Variants in RALGPS1 observed in about 807,000 individuals in gnomAD.
RALGPS1 encodes ras-specific guanine nucleotide-releasing factor RalGPS1.
In RALGPS1, 19 loss-of-function variants were observed where a neutral mutation model predicts 78.8. The ratio of observed to expected loss-of-function variants is 0.24; its 90% CI spans 0.17 to 0.35. RALGPS1 has a LOEUF of 0.35. RALGPS1 is among the 10% of genes least tolerant of loss of function. The probability of loss-of-function intolerance (pLI) is 1.00; values close to 1 mark genes in which losing one functional copy is unlikely to be tolerated. For missense variants in RALGPS1, 454 were observed against 688.3 expected (o/e 0.66, Z 3.81); for synonymous variants, 228 against 256.3 (o/e 0.89, Z 1.06).
intron 8 of RALGPS1, among the ~76,000 whole-genome samples, chr9:127,075,953 A>C (rs556017818): frequency 7.8e-4 from 119 of 152,324 alleles, no homozygotes; most frequent in African/African-American, 2.8e-3. Context: ...TTTAATGCAA[A>C]TTGTAGAGCC....
At chr9:127,133,698 CT>C (rs1169758236) in intron 8 of RALGPS1, among the ~76,000 whole-genome samples, 17 of 152,356 alleles carry the variant, frequency 1.1e-4, no homozygotes, top group Non-Finnish European at 2.1e-4. Flanking sequence ...GGGGGACCCT[CT>C]CCATTTTCTT....
rs554508215 is a variant in RALGPS1, at chr9:127,158,953, C to T, written c.611-7116C>T. 4.0e-5 allele frequency among the ~76,000 whole-genome samples: 6 copies of T among 151,872 alleles called. No homozygotes were observed. The South Asian group carries it at 6.3e-4, about 16-fold the overall frequency. ...TTGCTCCAGATGCCCCGAAGCCACA[C>T]GGGTTATGAGTGTGGGAGGTATAAT... On this transcript the variant is annotated intron_variant, in intron 8 of 18. Transcript: ENST00000259351.
intron 5 of RALGPS1, 57 bp downstream of exon 5, chr9:127,034,571 T>G: frequency 6.7e-7 from 1 of 1,501,010 alleles, no homozygotes; most frequent in Non-Finnish European, 9.3e-7. Flanking sequence ...CTGTCCCCTG[T>G]AGGCTGCGAG....
At chr9:127,124,393 G>T (rs1346860590) in intron 8 of RALGPS1, among the ~76,000 whole-genome samples, 1 of 152,190 alleles carries the variant, frequency 6.6e-6, no homozygotes, top group Non-Finnish European at 1.5e-5. Flanking sequence ...AAGGAAAGAT[G>T]CCTGTAGATG....
intron 17 of RALGPS1, among the ~76,000 whole-genome samples, chr9:127,213,333 G>C (rs2062390211): frequency 6.6e-6 from 1 of 152,202 alleles, no homozygotes; most frequent in Admixed American, 6.5e-5. Context: ...TACGGTCTTG[G>C]AATAAATAGT....
At chr9:127,094,982 G>C (rs563935811) in intron 8 of RALGPS1, among the ~76,000 whole-genome samples, 1 of 152,350 alleles carries the variant, frequency 6.6e-6, no homozygotes, top group East Asian at 1.9e-4. Context: ...GAGTCACCAA[G>C]GGTCTGGACA....
chr9:126,928,363 A>G (rs1166114047), intron 1 of RALGPS1, among the ~76,000 whole-genome samples: 1 of 152,158 alleles, frequency 6.6e-6, no homozygotes. Context: ...TTTGCTTCTT[A>G]GGGAAGGAAG....
At chr9:127,045,766 C>T (rs1012853502) in intron 5 of RALGPS1, among the ~76,000 whole-genome samples, 35 of 44,664 alleles carry the variant, frequency 7.8e-4, no homozygotes, top group Middle Eastern at 7.5e-3. Context: ...CACACATACA[C>T]ACACACACAC....
At chr9:127,177,615 A>G (rs1178746541) in intron 11 of RALGPS1, among the ~76,000 whole-genome samples, 1 of 152,186 alleles carries the variant, frequency 6.6e-6, no homozygotes, top group African/African-American at 2.4e-5. Context: ...TGCGCTGAGC[A>G]ACACTGGCTC....
chr9:127,037,407 T>G (rs1452344019), intron 5 of RALGPS1, among the ~76,000 whole-genome samples: 1 of 152,244 alleles, frequency 6.6e-6, no homozygotes, highest in Admixed American at 6.5e-5. Flanking sequence ...TTCATGGAGA[T>G]TGGACAGGGC....
At chr9:127,041,090 C>CT (rs2047272954) in intron 5 of RALGPS1, among the ~76,000 whole-genome samples, 1 of 122,080 alleles carries the variant, frequency 8.2e-6, no homozygotes, top group African/African-American at 3.1e-5. Context: ...TTCTTTCTTT[C>CT]TTTCTTTTTT....
chr9:127,093,123 A>C (rs2052679237), intron 8 of RALGPS1, among the ~76,000 whole-genome samples: 1 of 152,198 alleles, frequency 6.6e-6, no homozygotes, highest in Non-Finnish European at 1.5e-5. Flanking sequence ...CTCAGCAAAC[A>C]GAGCCACTCT....
intron 5 of RALGPS1, 131 bp downstream of exon 5, chr9:127,034,645 C>G: frequency 1.3e-6 from 1 of 748,514 alleles, no homozygotes; most frequent in Non-Finnish European, 2.4e-6. Context: ...CATATGAGTC[C>G]CCCACCTTTA....
intron 8 of RALGPS1, among the ~76,000 whole-genome samples, chr9:127,074,276 G>A (rs1165563071): frequency 6.6e-6 from 1 of 152,150 alleles, no homozygotes; most frequent in Non-Finnish European, 1.5e-5. Flanking sequence ...CTTTTAGTAG[G>A]GGAATATACC....
intron 8 of RALGPS1, among the ~76,000 whole-genome samples, chr9:127,120,147 G>A (rs1224526792): frequency 3.3e-5 from 5 of 152,110 alleles, no homozygotes; most frequent in South Asian, 2.1e-4. Flanking sequence ...CTGCAACTCC[G>A]GGGCAAACCT....
intron 1 of RALGPS1, among the ~76,000 whole-genome samples, chr9:126,933,837 A>G (rs1345305168): frequency 6.6e-6 from 1 of 151,662 alleles, no homozygotes; most frequent in East Asian, 1.9e-4. Context: ...TGCCACACCC[A>G]CCCTCCCTTG....
intron 8 of RALGPS1, among the ~76,000 whole-genome samples, chr9:127,152,934 AC>A (rs1430021891): frequency 6.6e-6 from 1 of 152,230 alleles, no homozygotes; most frequent in East Asian, 1.9e-4. Flanking sequence ...AGTTACAGGT[AC>A]TATCTCTATC....
intron 1 of RALGPS1, among the ~76,000 whole-genome samples, chr9:126,950,170 T>C (rs537547392): frequency 1.1e-3 from 171 of 152,350 alleles, no homozygotes; most frequent in Middle Eastern, 3.4e-3. Flanking sequence ...TCCATTGATC[T>C]ATATCTCTGT....
At chr9:126,981,727 G>C (rs1205452433) in intron 4 of RALGPS1, among the ~76,000 whole-genome samples, 1 of 152,172 alleles carries the variant, frequency 6.6e-6, no homozygotes, top group African/African-American at 2.4e-5. Flanking sequence ...GACATGTTAA[G>C]TATTATAACT....
Sources: gnomAD v4.1 joint callset for allele counts (sites outside exome capture counted in the v4.1 genomes callset) on GRCh38, gnomAD v4.1.1 for gene constraint, MANE v1.5 for transcripts, NCBI Gene and HGNC (gene_info 2026-07-23, HGNC 2026-07-21) for gene names.